The following DCTN1 variants were observed in gnomAD, a reference collection of about 807,000 sequenced individuals.
DCTN1 encodes the protein 150 kDa dynein-associated polypeptide.
In DCTN1, 61 loss-of-function variants were observed where a neutral mutation model predicts 161.2. That is an observed-to-expected ratio of 0.38 (90% confidence interval 0.31 to 0.47). DCTN1 has a LOEUF of 0.47. Ranked by LOEUF, DCTN1 falls within the 20% of genes least tolerant of loss-of-function variation. DCTN1 has a pLI of 0.99. For missense variants in DCTN1, 1,404 were observed against 1,623.7 expected (o/e 0.86, Z 2.33); for synonymous variants, 653 against 632.4 (o/e 1.03, Z -0.49).
chr2:74,367,709 A>C lies in DCTN1; in HGVS notation c.2171T>G (p.Ile724Ser). The C allele has an allele frequency of 6.2e-7, 1 of 1,614,146 alleles. No individual in the cohort carries two copies. Among genetic ancestry groups the C allele is most frequent in the South Asian group, 1.1e-5 (1 of 91,080 alleles). ...CTTGCCCCACACCTGATAGTACTTG[A>C]TGGCCTTGGTGAGAGGCTCCACATT... ...TVNVEPLTKA[I>S]KYYQHLYSIH... is the part of the protein sequence containing the mutation. The change falls in exon 18 of 32, where the codon ATC becomes AGC. Residue 724 changes from isoleucine to serine, a missense_variant. This residue lies in a region of DCTN1 where 475 missense variants were observed against 489.8 expected (regional missense o/e 0.97). Coordinates refer to ENST00000628224, the MANE Select transcript of DCTN1 (RefSeq NM_004082.5).
In DCTN1 at chr2:74,380,156, G is replaced by A. The variant is rs1675447565; in HGVS notation, c.-119C>T. On this transcript the variant is annotated 5_prime_UTR_variant, in exon 1 of 32. Coordinates refer to ENST00000628224, the MANE Select transcript of DCTN1 (RefSeq NM_004082.5). ...CATAGAGGGACACAGGAGTCGTCAG[G>A]CACAGCCCTCCCCAGTCCATGGGCC... is the stretch of plus-strand genomic sequence containing the variant. 2 of 1,095,132 alleles carry A rather than the reference G, an allele frequency of 1.8e-6. No homozygotes were observed. The highest frequency in any genetic ancestry group is 1.8e-5 in the Admixed American group (1 of 55,470). The allele number at this position is 1,095,132 out of a possible 1,614,324, so 67.8% of individuals were successfully genotyped here.
Position 74,367,337 on chromosome 2 carries a change from G to C in DCTN1, c.2253+15C>G. On this transcript the variant is annotated intron_variant, in intron 19 of 31. Coordinates refer to ENST00000628224, the MANE Select transcript of DCTN1 (RefSeq NM_004082.5). The stretch of plus-strand genomic sequence containing the variant: ...GATCTCCACGGGGGCTCAATCACTG[G>C]CCCAGATACTTCACCTTAATGTGGT... 2 of 1,613,968 alleles carry C rather than the reference G, an allele frequency of 1.2e-6. No individual in the cohort carries two copies. Among genetic ancestry groups the C allele is most frequent in the Non-Finnish European group, 1.7e-6 (2 of 1,179,942 alleles).
At chr2:74,382,945 G>A (rs1675576190), upstream of DCTN1, among the ~76,000 whole-genome samples, 1 of 151,650 alleles carries the variant, frequency 6.6e-6, no homozygotes, top group Non-Finnish European at 1.5e-5. Context: ...CGCGGTGGCG[G>A]GCGCCTGTAG....
chr2:74,365,830 C>CA, intron 24 of DCTN1, 63 bp downstream of exon 24: 1 of 1,613,972 alleles, frequency 6.2e-7, no homozygotes, highest in Non-Finnish European at 8.5e-7. Context: ...CCCCAACACT[C>CA]ACTGCTTTCC....
rs777105369 is a variant in DCTN1, at chr2:74,369,132, T to C, written c.1667A>G (p.Lys556Arg). ...GGCCTTAGTCTCAGCAAACTTGATTTTGAAGTCAAAGGTCTCTGGAGGTGG... is the reference window on the plus strand; with the variant it reads ...GGCCTTAGTCTCAGCAAACTTGATTCTGAAGTCAAAGGTCTCTGGAGGTGG... ...QQPPPETFDF[K>R]IKFAETKAHA... Residue 556 changes from lysine to arginine, a missense_variant, in exon 15 of 32, where the codon AAA becomes AGA. Physicochemically the swap from Lys to Arg is conservative, Grantham distance 26. Around this residue, in one of 9 missense-constraint regions of DCTN1, gnomAD observed 278 missense variants for 363.8 expected, o/e 0.76. Coordinates refer to ENST00000628224, the MANE Select transcript of DCTN1 (RefSeq NM_004082.5). This position sits in a 1 kb window ranked among gnomAD's most constrained non-coding sequence, Gnocchi z 4.9. 6.8e-6 allele frequency: 11 copies of C among 1,614,152 alleles called. No homozygotes were observed. Among genetic ancestry groups the C allele is most frequent in the Middle Eastern group, 1.6e-4 (1 of 6,082 alleles).
At chr2:74,374,733 A>G in intron 5 of DCTN1, 1 of 1,169,086 alleles carries the variant, frequency 8.6e-7, no homozygotes, top group Non-Finnish European at 1.1e-6. Flanking sequence ...GGGTGGAGCC[A>G]CTGCTCCTCA....
At position 74,369,575 on chromosome 2, in the gene DCTN1, G is replaced by T; in HGVS notation, c.1393-84C>A. ...TTCACACCTGTAATCCCAGCACTTT[G>T]GGAGGTCAAAGCAGGCGGATCATGA... is the stretch of plus-strand genomic sequence containing the variant. On this transcript the variant is annotated intron_variant, in intron 13 of 31. Coordinates refer to ENST00000628224, the MANE Select transcript of DCTN1 (RefSeq NM_004082.5). The surrounding 1 kb of genome is among the most constrained non-coding windows in gnomAD (Gnocchi z 4.9). The T allele has an allele frequency of 7.0e-7, 1 of 1,422,662 alleles. No individual in the cohort carries two copies. The highest frequency in any genetic ancestry group is 9.8e-7 in the Non-Finnish European group (1 of 1,018,152). The allele number at this position is 1,422,662 out of a possible 1,614,324, so 88.1% of individuals were successfully genotyped here. A position where few individuals can be genotyped will look rare whatever the true frequency, so the allele number is the denominator to read the frequency against.
At chr2:74,381,469 G>T (rs1452570133), upstream of DCTN1, among the ~76,000 whole-genome samples, 1 of 152,126 alleles carries the variant, frequency 6.6e-6, no homozygotes, top group Admixed American at 6.5e-5. Context: ...CAAATCTTCA[G>T]TCCTGGCCAG....
intron 5 of DCTN1, chr2:74,374,720 T>C (rs1178844071): frequency 6.8e-6 from 8 of 1,178,944 alleles, no homozygotes; most frequent in Middle Eastern, 3.9e-4. Context: ...CTCTGCTCCA[T>C]GGGGGTGGAG....
intron 6 of DCTN1, 79 bp from the exon 7 acceptor site, chr2:74,373,027 C>T: frequency 7.5e-7 from 1 of 1,340,324 alleles, no homozygotes; most frequent in Non-Finnish European, 1.1e-6. Context: ...GCAAAAGGGA[C>T]AGCAATGAGA....
chr2:74,365,421 A>T, intron 25 of DCTN1, 94 bp downstream of exon 25: 1 of 1,593,408 alleles, frequency 6.3e-7, no homozygotes, highest in Non-Finnish European at 8.6e-7. Context: ...GAGTCTCACT[A>T]TAAGAGAACC....
At chr2:74,371,321 G>A (rs939725482) in intron 8 of DCTN1, 145 bp from the exon 9 acceptor site, 14 of 1,560,072 alleles carry the variant, frequency 9.0e-6, no homozygotes, top group Non-Finnish European at 1.2e-5. Flanking sequence ...ACATCTGAGA[G>A]GAAACCGTAG....
chr2:74,363,270 C>T (rs770355417), intron 28 of DCTN1, 24 bp downstream of exon 28: 2 of 1,614,104 alleles, frequency 1.2e-6, no homozygotes, highest in Non-Finnish European at 1.7e-6. Flanking sequence ...TCTCCCATCC[C>T]AGTCCTCCCC....
chr2:74,362,730 C>G lies in DCTN1; in HGVS notation c.3530-1G>C. ...AGTTGGGCCGACGGGCTCTTGGCAG[C>G]TGTGGGGAGAGAAAGCTGGTGAGGC... is the stretch of plus-strand genomic sequence containing the variant. On this transcript the variant is annotated splice_acceptor_variant, in intron 29 of 31. Coordinates refer to ENST00000628224, the MANE Select transcript of DCTN1 (RefSeq NM_004082.5). LOFTEE classifies it high-confidence loss of function. 1 of 1,613,864 alleles carries G rather than the reference C, an allele frequency of 6.2e-7. No individual in the cohort carries two copies. The highest frequency in any genetic ancestry group is 8.5e-7 in the Non-Finnish European group (1 of 1,179,948).
At chr2:74,375,654 G>A (rs1675178164) in intron 5 of DCTN1, among the ~76,000 whole-genome samples, 1 of 152,144 alleles carries the variant, frequency 6.6e-6, no homozygotes, top group South Asian at 2.1e-4. Flanking sequence ...AGGTGAAATG[G>A]AAGCCCCAAC....
At chr2:74,363,746 C>T in intron 26 of DCTN1, 118 bp from the exon 27 acceptor site, 1 of 1,334,842 alleles carries the variant, frequency 7.5e-7, no homozygotes, top group South Asian at 1.2e-5. Flanking sequence ...AAACCCTTTT[C>T]CTAATCATCA....
chr2:74,375,015 T>C lies in DCTN1; in HGVS notation c.415-675A>G, dbSNP rs2075743. On this transcript the variant is annotated intron_variant, in intron 5 of 31. Coordinates refer to ENST00000628224, the MANE Select transcript of DCTN1 (RefSeq NM_004082.5). ...TCACATTCTGCCCCCGCCACCCACC[T>C]ACCCACAGCCCCATTAACTCCACTT... Among the ~76,000 whole-genome samples the C allele has an allele frequency of 0.19, 28,552 of 150,292 alleles. 4,270 individuals carry two copies. The highest frequency in any genetic ancestry group is 0.44 in the East Asian group (2,170 of 4,934).
chr2:74,367,496 C>A (rs1179515684), intron 18 of DCTN1, 76 bp from the exon 19 acceptor site: 1 of 1,546,662 alleles, frequency 6.5e-7, no homozygotes, highest in Non-Finnish European at 8.9e-7. Context: ...GTAGTTTGAG[C>A]CCTGGTCATC....
intron 7 of DCTN1, 175 bp from the exon 8 acceptor site, chr2:74,371,903 ACAGAGAGG>A: frequency 3.3e-6 from 2 of 615,336 alleles, no homozygotes; most frequent in Non-Finnish European, 2.9e-6. Context: ...GGAAAATGAT[ACAGAGAGG>A]CAGAGAGAGA....
Sources: allele counts gnomAD v4.1 joint callset (sites outside exome capture counted in the v4.1 genomes callset), GRCh38; gene constraint gnomAD v4.1.1; regional missense constraint gnomAD v4.1.1; non-coding constraint Gnocchi (gnomAD v3.1); transcripts MANE v1.5; gene names NCBI Gene and HGNC (gene_info 2026-07-23, HGNC 2026-07-21).